Variants in HUNK observed in about 807,000 individuals in gnomAD.
HUNK encodes hormonally up-regulated neu tumor-associated kinase.
Under a neutral mutation model 61.0 loss-of-function variants are expected in HUNK, and 21 were observed. That is an observed-to-expected ratio of 0.34 (90% CI 0.24 to 0.50). The LOEUF (loss-of-function observed/expected upper bound fraction) is 0.50. Ranked by LOEUF, HUNK falls within the 20% of genes least tolerant of loss-of-function variation. The pLI, the probability that HUNK is intolerant of heterozygous loss-of-function variation, is 0.98. For missense variants in HUNK, 772 were observed against 945.7 expected, an observed-to-expected ratio of 0.82 and a Z score of 2.41; for synonymous variants, 371 against 386.1, an observed-to-expected ratio of 0.96 and a Z score of 0.46.
chr21:31,999,529 A>G lies in HUNK; in HGVS notation c.*345A>G, dbSNP rs769556642. The G allele has an allele frequency of 6.0e-4, 158 of 262,210 alleles. No homozygotes were observed. The highest frequency in any genetic ancestry group is 1.0e-3 in the Non-Finnish European group (139 of 138,000). 16.2% of individuals were successfully genotyped at this position (262,210 alleles called of 1,614,324 possible). ...CACTCAGATTATGGACTGTTACCAGATCTTTCTTCACGCTGTGCTACATGT... is the reference window on the plus strand; with the variant it reads ...CACTCAGATTATGGACTGTTACCAGGTCTTTCTTCACGCTGTGCTACATGT... On this transcript the variant is annotated 3_prime_UTR_variant, in exon 11 of 11. Coordinates refer to ENST00000270112, the MANE Select transcript of HUNK (RefSeq NM_014586.2).
At chr21:31,929,727 G>A (rs1431410814) in intron 2 of HUNK, among the ~76,000 whole-genome samples, 1 of 152,224 alleles carries the variant, frequency 6.6e-6, no homozygotes, top group Non-Finnish European at 1.5e-5. Flanking sequence ...AAGGGAGCCC[G>A]AGCCTGAGCT....
At chr21:31,951,701 G>C (rs1214600592) in intron 4 of HUNK, among the ~76,000 whole-genome samples, 1 of 152,148 alleles carries the variant, frequency 6.6e-6, no homozygotes, top group Non-Finnish European at 1.5e-5. Flanking sequence ...TGGACAACTC[G>C]GCCAAGAGGC....
intron 1 of HUNK, among the ~76,000 whole-genome samples, chr21:31,904,619 T>G (rs1157412396): frequency 6.6e-6 from 1 of 152,220 alleles, no homozygotes; most frequent in Non-Finnish European, 1.5e-5. Flanking sequence ...TGTTGCTTCC[T>G]CTCCGGAGTT....
Position 32,000,872 on chromosome 21 carries a change from G to A in HUNK, c.*1688G>A, listed in dbSNP as rs2053241111. 2.5e-6 allele frequency: 1 copy of A among 397,704 alleles called. No homozygotes were observed. Among genetic ancestry groups the A allele is most frequent in the Non-Finnish European group, 4.4e-6 (1 of 226,052 alleles). The allele number at this position is 397,704 out of a possible 1,614,324, so 24.6% of individuals were successfully genotyped here. On this transcript the variant is annotated 3_prime_UTR_variant, in exon 11 of 11. Transcript: ENST00000270112. ...CTGGAGCTGCCTGTTTCTTCCCTAG[G>A]GGATCACCACGGCTCTAGGGCATTC...
chr21:31,998,810 C>T lies in HUNK; in HGVS notation c.1771C>T (p.Arg591Cys), dbSNP rs10775648. ...RILNSPVSLA[R>C]RNSSERTLSP... is the part of the protein sequence containing the mutation. ...TCTGAACTCCCCGGTCAGCTTGGCT[C>T]GCAGAAATTCCAGCGAGAGGACGCT... The change falls in exon 11 of 11, where the codon CGC becomes TGC. Residue 591 changes from arginine (R) to cysteine (C), a missense_variant. Arg to Cys is a radical substitution (Grantham distance 180). This residue lies in a region of HUNK where 413 missense variants were observed against 444.4 expected (regional missense o/e 0.93). Transcript: ENST00000270112. 362,795 of 1,613,942 alleles carry T rather than the reference C, an allele frequency of 0.22. 42,843 individuals are homozygous for T. Among genetic ancestry groups the T allele is most frequent in the East Asian group, 0.34 (15,104 of 44,834 alleles).
At chr21:31,994,231 G>T (rs1031772158) in intron 9 of HUNK, among the ~76,000 whole-genome samples, 2 of 152,188 alleles carry the variant, frequency 1.3e-5, no homozygotes, top group Non-Finnish European at 2.9e-5. Context: ...TCACCCCTTT[G>T]TTAGGGAGGA....
chr21:31,976,505 C>A (rs970549786), intron 7 of HUNK, among the ~76,000 whole-genome samples: 1 of 111,322 alleles, frequency 9.0e-6, no homozygotes, highest in African/African-American at 3.4e-5. Flanking sequence ...CTTTCTCTGT[C>A]GCCTAGGCTG....
chr21:31,929,719 G>C (rs1199485786), intron 2 of HUNK, among the ~76,000 whole-genome samples: 3 of 152,238 alleles, frequency 2.0e-5, no homozygotes, highest in Non-Finnish European at 2.9e-5. Flanking sequence ...CATGATCAAA[G>C]GGAGCCCGAG....
chr21:31,968,277 T>C lies in HUNK; in HGVS notation c.902T>C (p.Leu301Pro), dbSNP rs1189205603. The change falls in exon 6 of 11, where the codon CTG becomes CCG. Residue 301 changes from leucine to proline, a missense_variant. Around this residue, in one of 2 missense-constraint regions of HUNK, gnomAD observed 359 missense variants for 501.3 expected, o/e 0.72. Transcript: ENST00000270112. ...TGAISFLRSL[L>P]EPDPVKRPNI... is the part of the protein sequence containing the mutation. The stretch of plus-strand genomic sequence containing the variant: ...GCCATCAGTTTCCTGCGCTCTCTCC[T>C]GGAACCGGATCCTGTGAAGAGGCCA... 1 of 1,614,194 alleles carries C rather than the reference T, an allele frequency of 6.2e-7. No individual in the cohort carries two copies.
At chr21:31,934,030 T>G (rs1032548482) in intron 2 of HUNK, among the ~76,000 whole-genome samples, 2 of 152,166 alleles carry the variant, frequency 1.3e-5, no homozygotes, top group African/African-American at 4.8e-5. Context: ...CAGAGCCAAA[T>G]GTTTTGCTCT....
chr21:31,877,979 A>C (rs558411164), intron 1 of HUNK, among the ~76,000 whole-genome samples: 1 of 152,158 alleles, frequency 6.6e-6, no homozygotes, highest in Non-Finnish European at 1.5e-5. Context: ...CAGAAACAGG[A>C]CAGACGTGGT....
rs944112728 is a variant in HUNK, at chr21:31,873,273, CACCCGGGCTCCCGG to C, written c.-397_-384del. 1 of 151,778 alleles carries C rather than the reference CACCCGGGCTCCCGG, an allele frequency of 6.6e-6. No homozygotes were observed. Among genetic ancestry groups the C allele is most frequent in the Non-Finnish European group, 1.5e-5 (1 of 68,070 alleles). 9.4% of individuals were successfully genotyped at this position (151,778 alleles called of 1,614,324 possible). On this transcript the variant is annotated 5_prime_UTR_variant, in exon 1 of 11. Transcript: ENST00000270112. This position sits in a 1 kb window ranked among gnomAD's most constrained non-coding sequence, Gnocchi z 6.1. Reference sequence around the variant, plus strand: ...GGCGGCGAGGCGGAGGCTGCGGAGGCACCCGGGCTCCCGGACCCAGGCACCCGGACCCCGGGACC... The same window carrying C: ...GGCGGCGAGGCGGAGGCTGCGGAGGCACCCAGGCACCCGGACCCCGGGACC...
intron 7 of HUNK, among the ~76,000 whole-genome samples, chr21:31,979,927 G>C (rs968524472): frequency 4.6e-5 from 7 of 152,152 alleles, no homozygotes; most frequent in Non-Finnish European, 1.0e-4. Flanking sequence ...TTTTGAATTT[G>C]ATGTAATTAC....
chr21:31,903,542 A>G (rs149246902), intron 1 of HUNK, among the ~76,000 whole-genome samples: 114 of 152,324 alleles, frequency 7.5e-4, no homozygotes, highest in African/African-American at 2.6e-3. Flanking sequence ...CTTTACAGCT[A>G]GGCGGTTGAC....
rs753113608 is a variant in HUNK, at chr21:31,924,641, G to A, written c.435G>A (p.Gly145=). The change falls in exon 2 of 11, where the codon GGG becomes GGA. Residue 145 remains glycine, a synonymous_variant. Coordinates refer to ENST00000270112, the MANE Select transcript of HUNK (RefSeq NM_014586.2). The surrounding 1 kb of genome is among the most constrained non-coding windows in gnomAD (Gnocchi z 5.1). ...SYYLVMELCP[G]GNLMHKIYEK... Reference sequence around the variant, plus strand: ...ACCTGGTCATGGAGCTGTGCCCTGGGGGCAACCTGATGCACAAGATCTATG... The same window carrying A: ...ACCTGGTCATGGAGCTGTGCCCTGGAGGCAACCTGATGCACAAGATCTATG... 2 of 1,614,132 alleles carry A rather than the reference G, an allele frequency of 1.2e-6. No homozygotes were observed. Among genetic ancestry groups the A allele is most frequent in the Admixed American group, 1.7e-5 (1 of 59,996 alleles).
At chr21:31,931,378 A>G (rs987205590) in intron 2 of HUNK, among the ~76,000 whole-genome samples, 3 of 152,036 alleles carry the variant, frequency 2.0e-5, no homozygotes, top group Non-Finnish European at 4.4e-5. Context: ...ACCTTGTCTT[A>G]GAATCTTTCA....
chr21:31,923,801 A>G (rs11910494), intron 1 of HUNK, among the ~76,000 whole-genome samples: 61,492 of 151,888 alleles, frequency 0.4, 14,508 homozygotes, highest in African/African-American at 0.66. Flanking sequence ...GAGCTTCCTG[A>G]GGGTAGTAGA....
At chr21:31,951,977 A>G (rs2052852813) in intron 4 of HUNK, among the ~76,000 whole-genome samples, 1 of 152,126 alleles carries the variant, frequency 6.6e-6, no homozygotes, top group African/African-American at 2.4e-5. Context: ...GACTTTTGAG[A>G]GAGAGGTTTC....
chr21:31,974,510 C>A, intron 6 of HUNK, 45 bp from the exon 7 acceptor site: 1 of 1,562,286 alleles, frequency 6.4e-7, no homozygotes, highest in Non-Finnish European at 8.7e-7. Flanking sequence ...TGGGGCTCTC[C>A]GTGAAGTGCA....
Sources: allele counts gnomAD v4.1 joint callset (sites outside exome capture counted in the v4.1 genomes callset), GRCh38; gene constraint gnomAD v4.1.1; regional missense constraint gnomAD v4.1.1; non-coding constraint Gnocchi (gnomAD v3.1); transcripts MANE v1.5; gene names NCBI Gene and HGNC (gene_info 2026-07-23, HGNC 2026-07-21).